Variants in COLEC12 observed in about 807,000 individuals in gnomAD.
The protein encoded by COLEC12 is collectin-12.
COLEC12 carries 33 observed loss-of-function variants against 71.1 expected under a neutral mutation model. The ratio of observed to expected loss-of-function variants is 0.46; its 90% confidence interval spans 0.35 to 0.62. COLEC12 has a LOEUF of 0.62. Among genes scored for constraint, COLEC12 ranks in the 20% least tolerant of loss-of-function variants. The probability of loss-of-function intolerance (pLI) is 0.00; values close to 1 mark genes in which losing one functional copy is unlikely to be tolerated. For synonymous variants in COLEC12, 350 were observed against 353.0 expected (o/e 0.99, Z 0.10); for missense variants, 765 against 916.1 (o/e 0.84, Z 2.13).
rs756011195 is a variant in COLEC12, at chr18:319,797, G to A, written c.*248C>T. On this transcript the variant is annotated 3_prime_UTR_variant, in exon 10 of 10. Transcript: ENST00000400256. ...TTTGTATAATCGCACGGTTACTGACGGAGGAGAATCTATGTGATTCAGTCC... is the reference window on the plus strand; with the variant it reads ...TTTGTATAATCGCACGGTTACTGACAGAGGAGAATCTATGTGATTCAGTCC... The A allele has an allele frequency of 2.3e-5, 12 of 518,694 alleles. No homozygotes were observed. In the East Asian group the frequency reaches 3.2e-4, roughly 14 times the overall value. 32.1% of individuals were successfully genotyped at this position (518,694 alleles called of 1,614,324 possible). A position where few individuals can be genotyped will look rare whatever the true frequency, so the allele number is the denominator to read the frequency against.
chr18:435,371 T>C (rs1336579513), intron 2 of COLEC12, among the ~76,000 whole-genome samples: 2 of 152,064 alleles, frequency 1.3e-5, no homozygotes, highest in East Asian at 3.8e-4. Context: ...TCTTCAAAGG[T>C]GGCAGGATGG....
chr18:455,588 C>T (rs12969854), intron 2 of COLEC12, among the ~76,000 whole-genome samples: 51,405 of 151,810 alleles, frequency 0.34, 8,909 homozygotes, highest in East Asian at 0.41. Context: ...ATCAACCCAT[C>T]ATCTAGGTTT....
Position 357,441 on chromosome 18 carries a change from C to T in COLEC12, c.140G>A (p.Cys47Tyr), listed in dbSNP as rs779908251. 6.2e-7 allele frequency: 1 copy of T among 1,603,484 alleles called. No individual in the cohort carries two copies. The highest frequency in any genetic ancestry group is 1.7e-5 in the Admixed American group (1 of 58,028). The change falls in exon 3 of 10, where the codon TGT becomes TAT. Residue 47 changes from cysteine (C) to tyrosine (Y), a missense_variant. Coordinates refer to ENST00000400256, the MANE Select transcript of COLEC12 (RefSeq NM_130386.3). ...GGCTACTGTGATTGTTAGCAAGGCA[C>T]ACAAAATGTATAATAATATGATAGA... ...KFSIILLYIL[C>Y]ALLTITVAIL...
intron 2 of COLEC12, among the ~76,000 whole-genome samples, chr18:412,781 C>T (rs1339127429): frequency 6.6e-6 from 1 of 152,086 alleles, no homozygotes; most frequent in Non-Finnish European, 1.5e-5. Flanking sequence ...CATAATCCAG[C>T]ACCTAAAGCA....
At chr18:497,588 T>G (rs1406463980) in intron 1 of COLEC12, among the ~76,000 whole-genome samples, 1 of 152,176 alleles carries the variant, frequency 6.6e-6, no homozygotes, top group Non-Finnish European at 1.5e-5. Flanking sequence ...TATTTTTTAG[T>G]AGAGACAGGG....
At chr18:352,452 G>A (rs1048134917) in intron 3 of COLEC12, among the ~76,000 whole-genome samples, 1 of 151,922 alleles carries the variant, frequency 6.6e-6, no homozygotes, top group African/African-American at 2.4e-5. Flanking sequence ...AACTGTCATG[G>A]ACAGATAACT....
chr18:488,385 T>C (rs571024808), intron 1 of COLEC12, among the ~76,000 whole-genome samples: 1 of 152,158 alleles, frequency 6.6e-6, no homozygotes, highest in East Asian at 1.9e-4. Context: ...CTCTCCAGAC[T>C]GGGTGACAGA....
At chr18:330,459 G>A (rs762213882) in intron 8 of COLEC12, among the ~76,000 whole-genome samples, 19 of 151,080 alleles carry the variant, frequency 1.3e-4, no homozygotes, top group South Asian at 4.2e-4. Context: ...TGGCCTCTCC[G>A]TCCCCAGCAA....
At chr18:403,833 C>T (rs1040611757) in intron 2 of COLEC12, among the ~76,000 whole-genome samples, 2 of 152,192 alleles carry the variant, frequency 1.3e-5, no homozygotes, top group Non-Finnish European at 2.9e-5. Flanking sequence ...CACCTGAAGG[C>T]AAGTCAACGT....
At chr18:404,766 AT>A (rs1435798161) in intron 2 of COLEC12, among the ~76,000 whole-genome samples, 3 of 152,174 alleles carry the variant, frequency 2.0e-5, no homozygotes, top group Non-Finnish European at 2.9e-5. Context: ...GTACAAATTG[AT>A]TGTAAAACAC....
chr18:366,906 C>T (rs1023435249), intron 2 of COLEC12, among the ~76,000 whole-genome samples: 9 of 152,338 alleles, frequency 5.9e-5, no homozygotes, highest in East Asian at 1.9e-4. Context: ...GATGAGAGCC[C>T]TTTCCTCCCA....
chr18:347,852 A>G (rs530586596), intron 4 of COLEC12, among the ~76,000 whole-genome samples: 1 of 152,298 alleles, frequency 6.6e-6, no homozygotes, highest in South Asian at 2.1e-4. Context: ...TTTGGCACAT[A>G]ATAGTTTTCT....
intron 3 of COLEC12, among the ~76,000 whole-genome samples, chr18:352,679 C>A (rs970670859): frequency 6.6e-6 from 1 of 152,190 alleles, no homozygotes; most frequent in Non-Finnish European, 1.5e-5. Flanking sequence ...AATGCTGGAA[C>A]CTGCTACTGC....
At chr18:437,281 G>A (rs1292080970) in intron 2 of COLEC12, among the ~76,000 whole-genome samples, 1 of 152,132 alleles carries the variant, frequency 6.6e-6, no homozygotes, top group East Asian at 1.9e-4. Context: ...AAGAACATCT[G>A]GGACGCTGGG....
chr18:439,607 T>C (rs574347048), intron 2 of COLEC12, among the ~76,000 whole-genome samples: 8 of 151,928 alleles, frequency 5.3e-5, no homozygotes, highest in African/African-American at 1.7e-4. Context: ...TATCATAAAA[T>C]TCATCTATTT....
chr18:466,205 A>C (rs924525311), intron 2 of COLEC12, among the ~76,000 whole-genome samples: 1 of 152,184 alleles, frequency 6.6e-6, no homozygotes, highest in Non-Finnish European at 1.5e-5. Flanking sequence ...GCACCACTGC[A>C]CTCCAGCCTG....
At chr18:333,247 A>ACAGTTTTG in intron 6 of COLEC12, 104 bp from the exon 7 acceptor site, 1 of 958,620 alleles carries the variant, frequency 1.0e-6, no homozygotes, top group Non-Finnish European at 1.6e-6. Flanking sequence ...CGCTGGGAGC[A>ACAGTTTTG]GCCTGAGCGT....
chr18:370,477 C>T (rs993489655), intron 2 of COLEC12, among the ~76,000 whole-genome samples: 1 of 152,198 alleles, frequency 6.6e-6, no homozygotes. Flanking sequence ...TTCCCCACTT[C>T]CCCGGTGAAT....
chr18:413,466 T>C (rs933975194), intron 2 of COLEC12, among the ~76,000 whole-genome samples: 16 of 151,978 alleles, frequency 1.1e-4, no homozygotes, highest in Non-Finnish European at 2.9e-5. Context: ...GAACATACAA[T>C]GGCTATATGA....
Sources: gnomAD v4.1 joint callset for allele counts (sites outside exome capture counted in the v4.1 genomes callset) on GRCh38, gnomAD v4.1.1 for gene constraint, MANE v1.5 for transcripts, NCBI Gene and HGNC (gene_info 2026-07-23, HGNC 2026-07-21) for gene names.